The following CCDC85C variants were observed in gnomAD, a reference collection of about 807,000 sequenced individuals.
CCDC85C encodes coiled-coil domain containing 85C.
In CCDC85C, 18 loss-of-function variants were observed where a neutral mutation model predicts 38.3. That is an observed-to-expected ratio of 0.47 (90% CI 0.33 to 0.70). The LOEUF (loss-of-function observed/expected upper bound fraction) is 0.70, where lower values mean the gene tolerates loss of function less well. Among genes scored for constraint, CCDC85C ranks in the 30% least tolerant of loss-of-function variants. CCDC85C has a pLI of 0.03. For synonymous variants in CCDC85C, 264 were observed against 293.8 expected, an observed-to-expected ratio of 0.90 and a Z score of 1.04; for missense variants, 566 against 621.2, an observed-to-expected ratio of 0.91 and a Z score of 0.94.
intron 1 of CCDC85C, among the ~76,000 whole-genome samples, chr14:99,537,841 G>C (rs908371493): frequency 5.3e-5 from 8 of 152,240 alleles, no homozygotes; most frequent in Admixed American, 4.6e-4. Context: ...GATGGGAAGA[G>C]GCCTCAGCAT....
intron 3 of CCDC85C, among the ~76,000 whole-genome samples, chr14:99,519,099 CTTTTTTTTTTTTTTTTT>C (rs59524541): frequency 1.2e-4 from 6 of 52,174 alleles, no homozygotes; most frequent in African/African-American, 3.3e-4. Flanking sequence ...TCATACATGC[CTTTTTTTTTTTTTTTTT>C]TTTTTTTTTT....
rs1206256745 is a variant in CCDC85C, at chr14:99,572,719, C to T, written c.793+30448G>A. 2 of 456,116 alleles carry T rather than the reference C, an allele frequency of 4.4e-6. No homozygotes were observed. Among genetic ancestry groups the T allele is most frequent in the Non-Finnish European group, 4.4e-6 (1 of 226,826 alleles). The allele number at this position is 456,116 out of a possible 1,614,324, so 28.3% of individuals were successfully genotyped here. On this transcript the variant is annotated intron_variant, in intron 1 of 5. Coordinates refer to ENST00000380243, the MANE Select transcript of CCDC85C (RefSeq NM_001144995.2). This position sits in a 1 kb window ranked among gnomAD's most constrained non-coding sequence, Gnocchi z 4.4. ...TGTTTTCTGCTCTTCCTAGCACTCA[C>T]CAGGATATGAAACTGTCCCATCCAT...
chr14:99,572,804 G>A lies in CCDC85C; in HGVS notation c.793+30363C>T. ...AGACTTCTGTCTGTCTTGCTTCATGGAAGTATCCCAGGAGCATGGAAACGG... is the reference window on the plus strand; with the variant it reads ...AGACTTCTGTCTGTCTTGCTTCATGAAAGTATCCCAGGAGCATGGAAACGG... On this transcript the variant is annotated intron_variant, in intron 1 of 5. Coordinates refer to ENST00000380243, the MANE Select transcript of CCDC85C (RefSeq NM_001144995.2). The surrounding 1 kb of genome is among the most constrained non-coding windows in gnomAD (Gnocchi z 4.4). 1 of 456,116 alleles carries A rather than the reference G, an allele frequency of 2.2e-6. No homozygotes were observed. Among genetic ancestry groups the A allele is most frequent in the Non-Finnish European group, 4.4e-6 (1 of 226,816 alleles). 28.3% of individuals were successfully genotyped at this position (456,116 alleles called of 1,614,324 possible). A position where few individuals can be genotyped will look rare whatever the true frequency, so the allele number is the denominator to read the frequency against.
chr14:99,578,749 C>T (rs1402588966), intron 1 of CCDC85C, among the ~76,000 whole-genome samples: 1 of 152,178 alleles, frequency 6.6e-6, no homozygotes, highest in East Asian at 1.9e-4. Flanking sequence ...GGAGACAGGA[C>T]AATTTTATTT....
At chr14:99,595,518 C>T (rs1274066572) in intron 1 of CCDC85C, among the ~76,000 whole-genome samples, 1 of 152,164 alleles carries the variant, frequency 6.6e-6, no homozygotes, top group African/African-American at 2.4e-5. Context: ...TTCTGCGAAG[C>T]CTGGTCTCTC....
At position 99,536,048 on chromosome 14, in the gene CCDC85C, C is replaced by T. The variant is rs756591014; in HGVS notation, c.834G>A (p.Val278=). Residue 278 remains valine (V), a synonymous_variant, in exon 2 of 6, where the codon GTG becomes GTA. Transcript: ENST00000380243. ...STYIRQLESK[V]RLLEGDKLLA... ...GGAGCTTGTCACCCTCCAGCAGCCT[C>T]ACTTTGCTCTCCAGTTGCCTGATGT... The T allele has an allele frequency of 1.1e-5, 17 of 1,551,642 alleles. No individual in the cohort carries two copies. The South Asian group carries it at 1.7e-4, about 15-fold the overall frequency.
rs967791189 is a variant in CCDC85C, at chr14:99,503,057, T to A, written c.*12189A>T. 6 of 1,516,140 alleles carry A rather than the reference T, an allele frequency of 4.0e-6. No homozygotes were observed. The highest frequency in any genetic ancestry group is 5.5e-6 in the Non-Finnish European group (6 of 1,091,716). The allele number at this position is 1,516,140 out of a possible 1,614,324, so 93.9% of individuals were successfully genotyped here. A position where few individuals can be genotyped will look rare whatever the true frequency, so the allele number is the denominator to read the frequency against. ...CGGCAACACCTGAGCACTGTTCCCATTTCTAAGCGAGCACAGGGAACACCG... is the reference window on the plus strand; with the variant it reads ...CGGCAACACCTGAGCACTGTTCCCAATTCTAAGCGAGCACAGGGAACACCG... On this transcript the variant is annotated 3_prime_UTR_variant, in exon 6 of 6. Transcript: ENST00000380243.
At chr14:99,553,569 T>A (rs1245866484) in intron 1 of CCDC85C, among the ~76,000 whole-genome samples, 4 of 152,202 alleles carry the variant, frequency 2.6e-5, no homozygotes, top group Non-Finnish European at 5.9e-5. Flanking sequence ...TTCACCATAC[T>A]GGCCAGGCTG....
rs959187162 is a variant in CCDC85C at position 99,504,533 on chromosome 14, C to T, written c.*10713G>A. The T allele has an allele frequency of 6.6e-6, 1 of 151,906 alleles. No homozygotes were observed. The highest frequency in any genetic ancestry group is 1.5e-5 in the Non-Finnish European group (1 of 68,092). 9.4% of individuals were successfully genotyped at this position (151,906 alleles called of 1,614,324 possible). ...CGGTGCAATCTTAACTCACCACAAC[C>T]TCCGCCTCCTGGGTTCAAGCAATTC... On this transcript the variant is annotated 3_prime_UTR_variant, in exon 6 of 6. Coordinates refer to ENST00000380243, the MANE Select transcript of CCDC85C (RefSeq NM_001144995.2).
At position 99,545,293 on chromosome 14, in the gene CCDC85C, C is replaced by T. The variant is rs991316342; in HGVS notation, c.794-9205G>A. Reference sequence around the variant, plus strand: ...TTTAATTCCAGGAAAAGCCACGAGGCTTCCCAATGACACTGCAATGTGGAG... The same window carrying T: ...TTTAATTCCAGGAAAAGCCACGAGGTTTCCCAATGACACTGCAATGTGGAG... On this transcript the variant is annotated intron_variant, in intron 1 of 5. Transcript: ENST00000380243. This position sits in a 1 kb window ranked among gnomAD's most constrained non-coding sequence, Gnocchi z 4.7. Among the ~76,000 whole-genome samples the T allele has an allele frequency of 1.3e-5, 2 of 152,144 alleles. No individual in the cohort carries two copies. Among genetic ancestry groups the T allele is most frequent in the Non-Finnish European group, 1.5e-5 (1 of 68,034 alleles).
At chr14:99,527,965 C>T (rs1056338771) in intron 2 of CCDC85C, among the ~76,000 whole-genome samples, 3 of 152,166 alleles carry the variant, frequency 2.0e-5, no homozygotes, top group Admixed American at 1.3e-4. Flanking sequence ...CGGGGGCGGT[C>T]GCTGCATCAC....
rs3918125 is a variant in CCDC85C at position 99,510,881 on chromosome 14, A to T, written c.*4365T>A. 3.5e-3 allele frequency: 3,738 copies of T among 1,053,590 alleles called. 106 individuals are homozygous for T. The African/African-American group carries it at 0.055, about 16-fold the overall frequency. The allele number at this position is 1,053,590 out of a possible 1,614,324, so 65.3% of individuals were successfully genotyped here. ...AGCAGCAGGGTACCTTGTATAATGC[A>T]CGACAGTTGCAGTATGGGAAGAATG... is the stretch of plus-strand genomic sequence containing the variant. On this transcript the variant is annotated 3_prime_UTR_variant, in exon 6 of 6. Coordinates refer to ENST00000380243, the MANE Select transcript of CCDC85C (RefSeq NM_001144995.2).
chr14:99,518,212 C>A (rs759009277), intron 3 of CCDC85C, among the ~76,000 whole-genome samples: 12 of 152,150 alleles, frequency 7.9e-5, no homozygotes, highest in Non-Finnish European at 1.3e-4. Context: ...GGACCTGGAA[C>A]CCCCTGCAGG....
intron 2 of CCDC85C, among the ~76,000 whole-genome samples, chr14:99,527,228 G>T (rs1295902161): frequency 6.6e-6 from 1 of 152,190 alleles, no homozygotes; most frequent in Non-Finnish European, 1.5e-5. Context: ...TGACGTTGTT[G>T]GTTTATCGTC....
chr14:99,603,803 T>C lies in CCDC85C; in HGVS notation c.157A>G (p.Met53Val). The change falls in exon 1 of 6, where the codon ATG becomes GTG. Residue 53 changes from methionine to valine, a missense_variant. Physicochemically the swap from Met to Val is conservative, Grantham distance 21. This residue lies in a region of CCDC85C where 269 missense variants were observed against 308.2 expected (regional missense o/e 0.87). Transcript: ENST00000380243. This position sits in a 1 kb window ranked among gnomAD's most constrained non-coding sequence, Gnocchi z 7.5. The stretch of plus-strand genomic sequence containing the variant: ...TGCAGCCGCCGGTTCACGTCGCGCA[T>C]CAGGCCGCCGTGCTCCAGCATGAGG... ...VGLMLEHGGL[M>V]RDVNRRLQQH... 1 of 1,525,026 alleles carries C rather than the reference T, an allele frequency of 6.6e-7. No homozygotes were observed. The highest frequency in any genetic ancestry group is 1.2e-5 in the South Asian group (1 of 82,312). 94.5% of individuals were successfully genotyped at this position (1,525,026 alleles called of 1,614,324 possible). A position where few individuals can be genotyped will look rare whatever the true frequency, so the allele number is the denominator to read the frequency against.
intron 1 of CCDC85C, among the ~76,000 whole-genome samples, chr14:99,601,344 A>G (rs1192329290): frequency 6.6e-6 from 1 of 152,162 alleles, no homozygotes; most frequent in Non-Finnish European, 1.5e-5. Flanking sequence ...TGGAAAACTC[A>G]GTGTAGCCTA....
intron 1 of CCDC85C, among the ~76,000 whole-genome samples, chr14:99,591,530 G>C (rs1245806611): frequency 6.6e-6 from 1 of 152,140 alleles, no homozygotes; most frequent in Non-Finnish European, 1.5e-5. Flanking sequence ...CTGCACCTCA[G>C]AGGAAGGGCA....
At position 99,520,753 on chromosome 14, in the gene CCDC85C, T is replaced by A. The variant is rs1023613853; in HGVS notation, c.975+1380A>T. ...CCAGGACGCACTCACCATGGGGCCC[T>A]GGCCATCCACCCCACCCCTGTGAGC... is the stretch of plus-strand genomic sequence containing the variant. On this transcript the variant is annotated intron_variant, in intron 3 of 5. Transcript: ENST00000380243. This position sits in a 1 kb window ranked among gnomAD's most constrained non-coding sequence, Gnocchi z 4.1. 6.6e-6 allele frequency among the ~76,000 whole-genome samples: 1 copy of A among 152,194 alleles called. No homozygotes were observed. The highest frequency in any genetic ancestry group is 1.9e-4 in the East Asian group (1 of 5,166).
At chr14:99,518,054 G>A (rs1206202328) in intron 3 of CCDC85C, among the ~76,000 whole-genome samples, 2 of 152,202 alleles carry the variant, frequency 1.3e-5, no homozygotes, top group Non-Finnish European at 2.9e-5. Flanking sequence ...AACCATGGAA[G>A]CTGAGTCTGC....
Sources: allele counts gnomAD v4.1 joint callset (sites outside exome capture counted in the v4.1 genomes callset), GRCh38; gene constraint gnomAD v4.1.1; regional missense constraint gnomAD v4.1.1; non-coding constraint Gnocchi (gnomAD v3.1); transcripts MANE v1.5; gene names NCBI Gene and HGNC (gene_info 2026-07-23, HGNC 2026-07-21).